Variants in FTCDNL1 observed in about 807,000 individuals in gnomAD.
FTCDNL1 encodes formiminotransferase cyclodeaminase N-terminal like.
A neutral mutation model predicts 5.9 loss-of-function variants in FTCDNL1; 11 were observed. That is an observed-to-expected ratio of 1.87 (90% confidence interval 1.18 to 3.10). FTCDNL1 has a LOEUF of 3.10. Ranked by LOEUF, FTCDNL1 falls within the 30% of genes most tolerant of loss-of-function variation. FTCDNL1 has a pLI of 0.00. For synonymous variants in FTCDNL1, 58 were observed against 24.8 expected, an observed-to-expected ratio of 2.34 and a Z score of -3.99; for missense variants, 115 against 65.5, an observed-to-expected ratio of 1.76 and a Z score of -2.61.
At chr2:199,764,692 C>T (rs1301100887) in intron 3 of FTCDNL1, among the ~76,000 whole-genome samples, 1 of 152,166 alleles carries the variant, frequency 6.6e-6, no homozygotes, top group African/African-American at 2.4e-5. Flanking sequence ...AATCGGAGGA[C>T]TCTGGCCTTT....
At chr2:199,754,844 A>G in the FTCDNL1 span, among the ~76,000 whole-genome samples, 3 of 152,186 alleles carry the variant, frequency 2.0e-5, no homozygotes, top group African/African-American at 4.8e-5. Flanking sequence ...TAAAAAGTAA[A>G]ACACACACAT....
At chr2:199,807,796 T>C (rs1700807930), downstream of FTCDNL1, among the ~76,000 whole-genome samples, 1 of 152,110 alleles carries the variant, frequency 6.6e-6, no homozygotes, top group Non-Finnish European at 1.5e-5. Flanking sequence ...AAGGGAAAAA[T>C]AGGTCATACA....
the FTCDNL1 span, among the ~76,000 whole-genome samples, chr2:199,692,214 G>A: frequency 6.6e-6 from 1 of 152,076 alleles, no homozygotes; most frequent in African/African-American, 2.4e-5. Flanking sequence ...GCCACCTTGA[G>A]TCACTCAATA....
chr2:199,752,738 C>CTGTGTGTGTG, the FTCDNL1 span, among the ~76,000 whole-genome samples: 2 of 25,212 alleles, frequency 7.9e-5, no homozygotes, highest in African/African-American at 1.1e-4. Context: ...ATCTCTCTCT[C>CTGTGTGTGTG]TCTGTGTGTG....
chr2:199,748,398 C>T, the FTCDNL1 span, among the ~76,000 whole-genome samples: 286 of 152,272 alleles, frequency 1.9e-3, no homozygotes, highest in Non-Finnish European at 3.4e-3. Flanking sequence ...AAAGTATGTC[C>T]ATGGGGAAGT....
chr2:199,827,577 T>C (rs1458408494), intron 3 of FTCDNL1, among the ~76,000 whole-genome samples: 6 of 151,380 alleles, frequency 4.0e-5, no homozygotes, highest in Non-Finnish European at 8.8e-5. Flanking sequence ...AGGAGTGAAA[T>C]ACCATGATCT....
At chr2:199,816,869 T>G (rs1701378626) in intron 4 of FTCDNL1, among the ~76,000 whole-genome samples, 1 of 152,238 alleles carries the variant, frequency 6.6e-6, no homozygotes, top group Non-Finnish European at 1.5e-5. Flanking sequence ...ATTTGTTTAT[T>G]AAGGCTTTTA....
At chr2:199,690,032 C>A in the FTCDNL1 span, among the ~76,000 whole-genome samples, 4 of 152,150 alleles carry the variant, frequency 2.6e-5, no homozygotes, top group Admixed American at 2.0e-4. Context: ...TCAAAACACA[C>A]CTACTGCTAA....
chr2:199,698,098 A>G, the FTCDNL1 span, among the ~76,000 whole-genome samples: 1 of 152,234 alleles, frequency 6.6e-6, no homozygotes, highest in Non-Finnish European at 1.5e-5. Flanking sequence ...TCCTAAATAT[A>G]TATGCATCCA....
At chr2:199,787,187 CTTTTT>C (rs542150293) in intron 3 of FTCDNL1, among the ~76,000 whole-genome samples, 7,803 of 148,566 alleles carry the variant, frequency 0.053, 296 homozygotes, top group Middle Eastern at 0.12. Flanking sequence ...CTTTTCTTTT[CTTTTT>C]TTTTTTTGAG....
At chr2:199,710,454 A>G in the FTCDNL1 span, among the ~76,000 whole-genome samples, 2 of 152,194 alleles carry the variant, frequency 1.3e-5, no homozygotes, top group Admixed American at 6.6e-5. Flanking sequence ...GTTGACAAAA[A>G]TATTTTGACT....
chr2:199,846,126 G>C lies in FTCDNL1; in HGVS notation c.160C>G (p.Gln54Glu). ...QVSVLNIFSD[Q>E]DYKRSVITIA... is the part of the protein sequence containing the mutation. ...GTAATGACTGATCTCTTGTAGTCTTGATCGGAAAATATATTGAGCACTGAA... is the reference window on the plus strand; with the variant it reads ...GTAATGACTGATCTCTTGTAGTCTTCATCGGAAAATATATTGAGCACTGAA... The change falls in exon 3 of 5, where the codon CAA becomes GAA. Residue 54 changes from glutamine (Q) to glutamate (E), a missense_variant. Gln to Glu is a conservative substitution (Grantham distance 29). Coordinates refer to ENST00000420128, the MANE Select transcript of FTCDNL1 (RefSeq NM_001363886.2). 1 of 700,018 alleles carries C rather than the reference G, an allele frequency of 1.4e-6. No individual in the cohort carries two copies. The highest frequency in any genetic ancestry group is 2.6e-6 in the Non-Finnish European group (1 of 383,932). The allele number at this position is 700,018 out of a possible 1,614,324, so 43.4% of individuals were successfully genotyped here.
At chr2:199,692,144 C>A in the FTCDNL1 span, among the ~76,000 whole-genome samples, 10 of 152,132 alleles carry the variant, frequency 6.6e-5, no homozygotes, top group Admixed American at 4.6e-4. Flanking sequence ...ATAGGTCAGA[C>A]CGGCTTCATT....
At chr2:199,702,666 G>T in the FTCDNL1 span, among the ~76,000 whole-genome samples, 414 of 152,242 alleles carry the variant, frequency 2.7e-3, 4 homozygotes, top group African/African-American at 9.5e-3. Context: ...ATGGTAAATA[G>T]CACAGATCTG....
At chr2:199,801,050 C>T (rs1168901635) in intron 3 of FTCDNL1, among the ~76,000 whole-genome samples, 1 of 152,192 alleles carries the variant, frequency 6.6e-6, no homozygotes, top group Non-Finnish European at 1.5e-5. Flanking sequence ...TTTTGATCCT[C>T]GTTTTTCCTC....
chr2:199,835,233 C>A (rs1413982990), intron 3 of FTCDNL1, among the ~76,000 whole-genome samples: 2 of 152,138 alleles, frequency 1.3e-5, no homozygotes, highest in African/African-American at 4.8e-5. Context: ...GTCACTATAA[C>A]AATCCTATAA....
At chr2:199,684,163 C>T in the FTCDNL1 span, among the ~76,000 whole-genome samples, 29 of 152,296 alleles carry the variant, frequency 1.9e-4, no homozygotes, top group African/African-American at 6.7e-4. Flanking sequence ...TGAACCCAAA[C>T]GTTGCAATTT....
chr2:199,761,595 G>A (rs893891615), intron 3 of FTCDNL1, among the ~76,000 whole-genome samples: 3 of 152,104 alleles, frequency 2.0e-5, no homozygotes, highest in Non-Finnish European at 4.4e-5. Flanking sequence ...AATATTGCTG[G>A]CTGTGCTATG....
At chr2:199,703,992 A>G in the FTCDNL1 span, among the ~76,000 whole-genome samples, 1 of 152,164 alleles carries the variant, frequency 6.6e-6, no homozygotes, top group Admixed American at 6.5e-5. Context: ...GCCTGGATTC[A>G]GAAATTGTCC....
Sources: gnomAD v4.1 joint callset for allele counts (sites outside exome capture counted in the v4.1 genomes callset) on GRCh38, gnomAD v4.1.1 for gene constraint, MANE v1.5 for transcripts, NCBI Gene and HGNC (gene_info 2026-07-23, HGNC 2026-07-21) for gene names.